TTLL8: variants seen among roughly 807,000 people sequenced by gnomAD.
The protein encoded by TTLL8 is protein monoglycylase TTLL8.
TTLL8 carries 65 observed loss-of-function variants against 77.8 expected under a neutral mutation model. The ratio of observed to expected loss-of-function variants is 0.84; its 90% CI spans 0.68 to 1.03. TTLL8 has a LOEUF of 1.03. Among genes scored for constraint, TTLL8 ranks in the 50% least tolerant of loss-of-function variants. The probability of loss-of-function intolerance (pLI) is 0.00; values close to 1 mark genes in which losing one functional copy is unlikely to be tolerated. For synonymous variants in TTLL8, 402 were observed against 422.8 expected, an observed-to-expected ratio of 0.95 and a Z score of 0.60; for missense variants, 910 against 1,004.5, an observed-to-expected ratio of 0.91 and a Z score of 1.27.
At chr22:50,020,138 G>T (rs2061185971) in intron 12 of TTLL8, among the ~76,000 whole-genome samples, 1 of 152,286 alleles carries the variant, frequency 6.6e-6, no homozygotes, top group South Asian at 2.1e-4. Context: ...AACAATTTCA[G>T]AATTACATAT....
chr22:50,057,064 A>G, upstream of TTLL8: 1 of 915,728 alleles, frequency 1.1e-6, no homozygotes, highest in Non-Finnish European at 1.5e-6. Flanking sequence ...GCTGAGGGTC[A>G]GGTCTGGGGT....
intron 12 of TTLL8, among the ~76,000 whole-genome samples, chr22:50,024,436 G>A (rs748371293): frequency 3.9e-4 from 60 of 152,248 alleles, no homozygotes; most frequent in Admixed American, 2.1e-3. Flanking sequence ...TGAAAACTTC[G>A]AAGACAGTGT....
intron 9 of TTLL8, 93 bp from the exon 11 acceptor site, chr22:50,033,538 T>C: frequency 2.6e-6 from 3 of 1,148,894 alleles, no homozygotes; most frequent in Non-Finnish European, 3.5e-6. Flanking sequence ...AGCTTGGCCC[T>C]GAGACCTGCA....
chr22:50,048,036 G>T (rs2061422999), intron 3 of TTLL8, among the ~76,000 whole-genome samples: 1 of 152,110 alleles, frequency 6.6e-6, no homozygotes, highest in Non-Finnish European at 1.5e-5. Context: ...GGCAGAGGTT[G>T]CAGTGAGCCG....
intron 8 of TTLL8, among the ~76,000 whole-genome samples, chr22:50,039,239 A>G (rs2061353985): frequency 1.3e-5 from 2 of 152,266 alleles, no homozygotes; most frequent in East Asian, 1.9e-4. Context: ...ATTAATTTTA[A>G]TTAATGAATT....
chr22:50,027,393 G>T (rs929286446), intron 12 of TTLL8, among the ~76,000 whole-genome samples: 36 of 151,760 alleles, frequency 2.4e-4, no homozygotes, highest in African/African-American at 8.5e-4. Flanking sequence ...TATTAACTGG[G>T]CATGGTGGTG....
At chr22:50,026,215 A>G (rs2061228767) in intron 12 of TTLL8, among the ~76,000 whole-genome samples, 1 of 151,808 alleles carries the variant, frequency 6.6e-6, no homozygotes, top group South Asian at 2.1e-4. Flanking sequence ...CACTCGTCAC[A>G]CTGTACAGCC....
At chr22:50,024,907 T>C (rs2061223056) in intron 12 of TTLL8, among the ~76,000 whole-genome samples, 1 of 152,228 alleles carries the variant, frequency 6.6e-6, no homozygotes, top group South Asian at 2.1e-4. Flanking sequence ...CTTTAGGTGC[T>C]GGGCTCACAA....
At chr22:50,046,790 G>A (rs2061414900) in intron 4 of TTLL8, among the ~76,000 whole-genome samples, 1 of 152,244 alleles carries the variant, frequency 6.6e-6, no homozygotes. Flanking sequence ...GCTTTGTGCA[G>A]GGCTGGAGGC....
intron 6 of TTLL8, among the ~76,000 whole-genome samples, chr22:50,042,326 ATTGTT>A (rs1474889691): frequency 1.3e-5 from 2 of 152,154 alleles, no homozygotes; most frequent in African/African-American, 4.8e-5. Flanking sequence ...TTTTATTTTT[ATTGTT>A]TTAAGACAGA....
At chr22:50,022,961 C>A (rs1407386083) in intron 12 of TTLL8, among the ~76,000 whole-genome samples, 1 of 152,118 alleles carries the variant, frequency 6.6e-6, no homozygotes, top group Non-Finnish European at 1.5e-5. Flanking sequence ...GGTGAATTTA[C>A]CAACACGTCA....
intron 6 of TTLL8, among the ~76,000 whole-genome samples, chr22:50,043,952 A>G (rs1407612198): frequency 6.6e-6 from 1 of 152,204 alleles, no homozygotes; most frequent in Non-Finnish European, 1.5e-5. Flanking sequence ...ACGGCATCAT[A>G]CATTGTCCAA....
Position 50,041,629 on chromosome 22 carries a change from G to A in TTLL8, c.822C>T (p.Ser274=), listed in dbSNP as rs2061371717. The change falls in exon 7 of 14, where the codon TCC becomes TCT. Residue 274 remains serine, a synonymous_variant. Transcript: ENST00000266182. The surrounding 1 kb of genome is among the most constrained non-coding windows in gnomAD (Gnocchi z 4.3). ...GCCTGCGTAAGTCTTACTGAACGAG[G>A]GAGTAGTACTGCTGGGTCAGGTCCT... The A allele has an allele frequency of 1.5e-6, 2 of 1,358,138 alleles. No individual in the cohort carries two copies. Among genetic ancestry groups the A allele is most frequent in the South Asian group, 1.1e-5 (1 of 87,520 alleles). 84.1% of individuals were successfully genotyped at this position (1,358,138 alleles called of 1,614,324 possible). A position where few individuals can be genotyped will look rare whatever the true frequency, so the allele number is the denominator to read the frequency against.
chr22:50,041,825 G>A lies in TTLL8; in HGVS notation c.644-18C>T. ...TTCAGCATCTGAAACCCAGACACAG[G>A]CACATGCAGTGGGAACCTCACCCAG... On this transcript the variant is annotated intron_variant, in intron 6 of 13. Transcript: ENST00000266182. This position sits in a 1 kb window ranked among gnomAD's most constrained non-coding sequence, Gnocchi z 4.3. 3.7e-6 allele frequency: 5 copies of A among 1,354,128 alleles called. No homozygotes were observed. Among genetic ancestry groups the A allele is most frequent in the Non-Finnish European group, 4.9e-6 (5 of 1,017,198 alleles). The allele number at this position is 1,354,128 out of a possible 1,614,324, so 83.9% of individuals were successfully genotyped here.
At chr22:50,048,887 G>C (rs137910) in intron 3 of TTLL8, among the ~76,000 whole-genome samples, 121,067 of 151,764 alleles carry the variant, frequency 0.8, 48,514 homozygotes, top group South Asian at 0.9. Context: ...CTGGAGACAG[G>C]AGCTCACTCG....
rs770662991 is a variant in TTLL8, at chr22:50,047,233, AG to A, written c.327del (p.Tyr110IlefsTer4). 1 of 1,367,666 alleles carries A rather than the reference AG, an allele frequency of 7.3e-7. No individual in the cohort carries two copies. 84.7% of individuals were successfully genotyped at this position (1,367,666 alleles called of 1,614,324 possible). A position where few individuals can be genotyped will look rare whatever the true frequency, so the allele number is the denominator to read the frequency against. ...ATCTGGTCGTAGGTCAGGCTGTGATAGTCAATGATGTCCCTCTTGATGGTCC... is the reference window on the plus strand; with the variant it reads ...ATCTGGTCGTAGGTCAGGCTGTGATATCAATGATGTCCCTCTTGATGGTCC... On this transcript the variant is annotated frameshift_variant, in exon 4 of 14. Transcript: ENST00000266182. LOFTEE classifies it high-confidence loss of function.
At chr22:50,028,492 A>C (rs963817166) in intron 12 of TTLL8, among the ~76,000 whole-genome samples, 1 of 152,126 alleles carries the variant, frequency 6.6e-6, no homozygotes, top group Non-Finnish European at 1.5e-5. Context: ...CCCGTGGGGC[A>C]AGAGGCATCT....
At chr22:50,029,463 C>T (rs1010704055) in intron 12 of TTLL8, among the ~76,000 whole-genome samples, 2 of 151,984 alleles carry the variant, frequency 1.3e-5, no homozygotes, top group Non-Finnish European at 2.9e-5. Flanking sequence ...CCCCTATTGC[C>T]GGGCGCGGTG....
At chr22:50,037,347 A>C (rs2061343787) in intron 8 of TTLL8, among the ~76,000 whole-genome samples, 1 of 151,922 alleles carries the variant, frequency 6.6e-6, no homozygotes, top group Non-Finnish European at 1.5e-5. Context: ...AGCTGGGACT[A>C]CAGGCACGCA....
Sources: gnomAD v4.1 joint callset for allele counts (sites outside exome capture counted in the v4.1 genomes callset) on GRCh38, gnomAD v4.1.1 for gene constraint, Gnocchi (gnomAD v3.1) non-coding constraint, MANE v1.5 for transcripts, NCBI Gene and HGNC (gene_info 2026-07-23, HGNC 2026-07-21) for gene names.